The following KRT73 variants were observed in gnomAD, a reference collection of about 807,000 sequenced individuals.
KRT73 encodes the protein keratin 73.
Under a neutral mutation model 47.2 loss-of-function variants are expected in KRT73, and 44 were observed. That is an observed-to-expected ratio of 0.93 (90% CI 0.73 to 1.20). KRT73 has a LOEUF of 1.20. Among genes scored for constraint, KRT73 ranks in the 50% most tolerant of loss-of-function variants. The pLI is 0.00. For missense variants in KRT73, 713 were observed against 704.5 expected, an observed-to-expected ratio of 1.01 and a Z score of -0.14; for synonymous variants, 285 against 291.3, an observed-to-expected ratio of 0.98 and a Z score of 0.22.
At chr12:52,620,129 T>TTTTTTTTTTTTGTTG (rs1940878928), upstream of KRT73, among the ~76,000 whole-genome samples, 1 of 145,740 alleles carries the variant, frequency 6.9e-6, no homozygotes, top group African/African-American at 2.7e-5. Flanking sequence ...TTTTTTTTTT[T>TTTTTTTTTTTTGTTG]TGAGATGGCG....
chr12:52,629,100 C>T, the KRT73 span, among the ~76,000 whole-genome samples: 1 of 152,184 alleles, frequency 6.6e-6, no homozygotes, highest in African/African-American at 2.4e-5. Context: ...TGGACACGAA[C>T]CTGGATGCTG....
intron 2 of KRT73, 44 bp downstream of exon 2, chr12:52,616,122 C>G: frequency 1.2e-6 from 2 of 1,609,992 alleles, no homozygotes; most frequent in Admixed American, 3.3e-5. Context: ...CTGGGAAAGC[C>G]TCACCCTGGG....
intron 8 of KRT73, among the ~76,000 whole-genome samples, chr12:52,608,735 C>A (rs1363989070): frequency 6.6e-6 from 1 of 152,214 alleles, no homozygotes; most frequent in African/African-American, 2.4e-5. Context: ...GATAAGCCAG[C>A]AGGTTCTTGC....
upstream of KRT73, among the ~76,000 whole-genome samples, chr12:52,620,595 C>T (rs1940890697): frequency 6.6e-6 from 1 of 152,136 alleles, no homozygotes; most frequent in African/African-American, 2.4e-5. Context: ...ATGTCACAGG[C>T]CCTGAGATAA....
At chr12:52,616,944 G>T (rs1050555218) in intron 1 of KRT73, among the ~76,000 whole-genome samples, 3 of 152,162 alleles carry the variant, frequency 2.0e-5, no homozygotes, top group African/African-American at 7.2e-5. Flanking sequence ...AGCAGAACAA[G>T]CATTCTCAAG....
intron 4 of KRT73, 98 bp from the exon 5 acceptor site, chr12:52,613,950 A>T: frequency 2.7e-6 from 4 of 1,493,902 alleles, no homozygotes; most frequent in Non-Finnish European, 2.7e-6. Flanking sequence ...AGACCATCCC[A>T]CACAGATGGA....
chr12:52,615,324 T>A lies in KRT73; in HGVS notation c.678A>T (p.Ile226=), dbSNP rs1940794322. 1.9e-6 allele frequency: 3 copies of A among 1,614,122 alleles called. No individual in the cohort carries two copies. The highest frequency in any genetic ancestry group is 2.5e-6 in the Non-Finnish European group (3 of 1,179,966). ...CATTCTCAGCAGTTGTGCGCTTGTT[T>A]ATTTCTTCTTCATACCTGCAGGGAA... ...EDYKKRYEEE[I]NKRTTAENEF... is the part of the protein sequence containing the mutation. The change falls in exon 3 of 9, where the codon ATA becomes ATT. Residue 226 remains isoleucine, a synonymous_variant. Coordinates refer to ENST00000305748, the MANE Select transcript of KRT73 (RefSeq NM_175068.3).
Position 52,610,847 on chromosome 12 carries a change from A to G in KRT73, c.1111-12T>C, listed in dbSNP as rs370238456. On this transcript the variant is annotated splice_polypyrimidine_tract_variant and intron_variant, in intron 6 of 8. Transcript: ENST00000305748. ...TCCAGGTTGGCACACTGGGGTCAGG[A>G]GGTAGCATTTCTCCCTGAGTTCCTC... 4.5e-5 allele frequency: 73 copies of G among 1,604,920 alleles called. No homozygotes were observed. The African/African-American group carries it at 8.3e-4, about 18-fold the overall frequency.
At chr12:52,621,251 G>C (rs1940899516), upstream of KRT73, among the ~76,000 whole-genome samples, 2 of 142,598 alleles carry the variant, frequency 1.4e-5, no homozygotes, top group Admixed American at 1.4e-4. Context: ...CAGACACTAG[G>C]GCAAGAGTTT....
chr12:52,612,535 C>G (rs1461433339), intron 5 of KRT73: 1 of 152,232 alleles, frequency 6.6e-6, no homozygotes, highest in Non-Finnish European at 1.5e-5. Context: ...TCTCTCTTCA[C>G]TCCTTGTATT....
the KRT73 span, among the ~76,000 whole-genome samples, chr12:52,629,464 T>C: frequency 1.3e-5 from 2 of 152,144 alleles, no homozygotes; most frequent in Admixed American, 6.5e-5. Flanking sequence ...GCTCCTATAC[T>C]GTGGAGGAGG....
At chr12:52,626,753 C>T in the KRT73 span, among the ~76,000 whole-genome samples, 2 of 152,182 alleles carry the variant, frequency 1.3e-5, no homozygotes, top group Non-Finnish European at 2.9e-5. Flanking sequence ...GTCTAATAGT[C>T]CACTGCTCAA....
chr12:52,628,336 G>A, the KRT73 span, among the ~76,000 whole-genome samples: 2 of 152,042 alleles, frequency 1.3e-5, no homozygotes, highest in Non-Finnish European at 2.9e-5. Context: ...GCTTTCTCAG[G>A]GAATGGGGTG....
chr12:52,623,392 G>C (rs1436393535), upstream of KRT73, among the ~76,000 whole-genome samples: 2 of 152,142 alleles, frequency 1.3e-5, no homozygotes, highest in African/African-American at 4.8e-5. Context: ...TATCCTTCAG[G>C]AATGAAGACA....
intron 8 of KRT73, 99 bp downstream of exon 8, chr12:52,609,148 G>C: frequency 9.5e-7 from 1 of 1,056,144 alleles, no homozygotes; most frequent in Non-Finnish European, 1.5e-6. Context: ...TCAACAGGCA[G>C]AGCCAAGCTC....
At chr12:52,619,560 C>T (rs767391289), upstream of KRT73, among the ~76,000 whole-genome samples, 4 of 152,204 alleles carry the variant, frequency 2.6e-5, no homozygotes, top group Non-Finnish European at 2.9e-5. Context: ...CTTATTCATT[C>T]GTCCATCTAT....
intron 4 of KRT73, 128 bp downstream of exon 4, chr12:52,614,451 C>T: frequency 8.2e-6 from 6 of 728,454 alleles, no homozygotes; most frequent in Non-Finnish European, 1.3e-5. Context: ...CTTTGATCTA[C>T]AAATTTCTCA....
chr12:52,613,937 C>T lies in KRT73; in HGVS notation c.820-85G>A, dbSNP rs1592243860. The T allele has an allele frequency of 5.8e-6, 9 of 1,543,294 alleles. No homozygotes were observed. In the East Asian group the frequency reaches 9.0e-5, roughly 15 times the overall value. ...GATGGCCCTGTCCCAGAGGGATGGCCCTAGACCATCCCACACAGATGGAAG... is the reference window on the plus strand; with the variant it reads ...GATGGCCCTGTCCCAGAGGGATGGCTCTAGACCATCCCACACAGATGGAAG... On this transcript the variant is annotated intron_variant, in intron 4 of 8. Transcript: ENST00000305748.
At chr12:52,610,898 T>C (rs570254740) in intron 6 of KRT73, 63 bp from the exon 7 acceptor site, 12 of 1,377,044 alleles carry the variant, frequency 8.7e-6, no homozygotes, top group African/African-American at 4.2e-5. Flanking sequence ...ACCTCTCCCA[T>C]GCTCTCAATG....
Sources: allele counts gnomAD v4.1 joint callset (sites outside exome capture counted in the v4.1 genomes callset), GRCh38; gene constraint gnomAD v4.1.1; transcripts MANE v1.5; gene names NCBI Gene and HGNC (gene_info 2026-07-23, HGNC 2026-07-21).